The following CBLB variants were observed in gnomAD, a reference collection of about 807,000 sequenced individuals.
The protein encoded by CBLB is Cbl proto-oncogene B, also known as E3 ubiquitin-protein ligase CBL-B.
In CBLB, 31 loss-of-function variants were observed where a neutral mutation model predicts 104.9. The observed-to-expected ratio is 0.30, with a 90% CI of 0.22 to 0.40. The LOEUF is 0.40. CBLB is among the 10% of genes least tolerant of loss of function. The pLI, the probability that CBLB is intolerant of heterozygous loss-of-function variation, is 1.00. For synonymous variants in CBLB, 440 were observed against 422.6 expected, an observed-to-expected ratio of 1.04 and a Z score of -0.51; for missense variants, 1,062 against 1,214.6, an observed-to-expected ratio of 0.87 and a Z score of 1.87.
intron 4 of CBLB, among the ~76,000 whole-genome samples, chr3:105,758,403 T>C (rs549382084): frequency 8.5e-5 from 13 of 152,328 alleles, no homozygotes; most frequent in Non-Finnish European, 1.3e-4. Flanking sequence ...GTCAAAAAGC[T>C]CATAACACTT....
intron 1 of CBLB, 104 bp from the exon 2 acceptor site, chr3:105,867,695 A>G (rs549860630): frequency 1.1e-4 from 101 of 936,580 alleles, no homozygotes; most frequent in Middle Eastern, 2.3e-4. Context: ...TCCTCCATCG[A>G]TTAGAGCAAA....
At chr3:105,747,290 T>C (rs2076201294) in intron 5 of CBLB, among the ~76,000 whole-genome samples, 1 of 152,186 alleles carries the variant, frequency 6.6e-6, no homozygotes, top group Admixed American at 6.5e-5. Flanking sequence ...TACGTTGCCA[T>C]GTTAAAGCTG....
At chr3:105,781,576 T>C (rs1444075516) in intron 3 of CBLB, among the ~76,000 whole-genome samples, 2 of 152,196 alleles carry the variant, frequency 1.3e-5, no homozygotes, top group Non-Finnish European at 2.9e-5. Flanking sequence ...ATAGAAAATA[T>C]ATCAAGATTT....
chr3:105,730,039 T>C (rs1031355366), intron 9 of CBLB, among the ~76,000 whole-genome samples: 3 of 152,064 alleles, frequency 2.0e-5, no homozygotes, highest in African/African-American at 7.2e-5. Flanking sequence ...CCCACTGAGA[T>C]ACAGAGACTG....
chr3:105,719,312 C>T (rs1310297533), intron 10 of CBLB, among the ~76,000 whole-genome samples: 1 of 152,198 alleles, frequency 6.6e-6, no homozygotes, highest in Non-Finnish European at 1.5e-5. Context: ...TTTATACAAA[C>T]ACTCTCATTA....
intron 3 of CBLB, among the ~76,000 whole-genome samples, chr3:105,808,257 T>G (rs9849559): frequency 0.18 from 26,972 of 152,176 alleles, 2,862 homozygotes; most frequent in Admixed American, 0.28. Flanking sequence ...CTACAAACTT[T>G]AAAGAAGAAA....
At chr3:105,778,139 ATGTGTG>A (rs1417079726) in intron 3 of CBLB, among the ~76,000 whole-genome samples, 1 of 151,488 alleles carries the variant, frequency 6.6e-6, no homozygotes, top group African/African-American at 2.4e-5. Flanking sequence ...ATGTGTGTGT[ATGTGTG>A]TGTGTTGGGA....
intron 2 of CBLB, among the ~76,000 whole-genome samples, chr3:105,857,941 AATAC>A (rs1034196837): frequency 1.3e-5 from 2 of 152,208 alleles, no homozygotes; most frequent in Non-Finnish European, 2.9e-5. Flanking sequence ...AGTGTCAGGA[AATAC>A]ATACTTAAAT....
intron 3 of CBLB, among the ~76,000 whole-genome samples, chr3:105,802,552 AC>A: frequency 6.6e-6 from 1 of 152,348 alleles, no homozygotes; most frequent in South Asian, 2.1e-4. Context: ...GGGATTTGTA[AC>A]GGACCCACAG....
intron 10 of CBLB, among the ~76,000 whole-genome samples, chr3:105,704,418 A>G (rs2069749642): frequency 6.6e-6 from 1 of 152,226 alleles, no homozygotes; most frequent in Non-Finnish European, 1.5e-5. Context: ...AAAAAAGAAC[A>G]GCAAAAGTAT....
intron 3 of CBLB, among the ~76,000 whole-genome samples, chr3:105,781,056 GA>G (rs1179453842): frequency 6.6e-6 from 1 of 152,168 alleles, no homozygotes; most frequent in East Asian, 1.9e-4. Context: ...GTTAACATTA[GA>G]GGAGGCTTGA....
chr3:105,816,892 T>TAA (rs56317261), intron 3 of CBLB, among the ~76,000 whole-genome samples: 5 of 148,530 alleles, frequency 3.4e-5, no homozygotes, highest in South Asian at 2.1e-4. Flanking sequence ...AAGTAATGTT[T>TAA]AAAAAAAAAA....
At chr3:105,665,408 A>ATATATAT (rs1553700056) in intron 18 of CBLB, among the ~76,000 whole-genome samples, 205 of 51,298 alleles carry the variant, frequency 4.0e-3, no homozygotes, top group South Asian at 6.9e-3. Flanking sequence ...TAAATAAATA[A>ATATATAT]ATAAATAAAT....
rs142421049 is a variant in CBLB at position 105,796,081 on chromosome 3, G to T, written c.420-19539C>A. 2.2e-4 allele frequency among the ~76,000 whole-genome samples: 34 copies of T among 151,802 alleles called. No homozygotes were observed. The East Asian group carries it at 6.6e-3, about 29-fold the overall frequency. The stretch of plus-strand genomic sequence containing the variant: ...CACAATGACATTCTTCACAGAATTA[G>T]AAAAAAATCTATTTTAAAATTCATA... On this transcript the variant is annotated intron_variant, in intron 3 of 18. Transcript: ENST00000394030.
At position 105,781,787 on chromosome 3, in the gene CBLB, C is replaced by T. The variant is rs551139866; in HGVS notation, c.420-5245G>A. Among the ~76,000 whole-genome samples, 13 of 152,270 alleles carry T rather than the reference C, an allele frequency of 8.5e-5. No individual in the cohort carries two copies. In the East Asian group the frequency reaches 2.5e-3, roughly 29 times the overall value. ...GTGAAAAGTCTGTGAGGATGTGCTG[C>T]TTTTGGTAGAAGAAATGGGAGGTGA... On this transcript the variant is annotated intron_variant, in intron 3 of 18. Transcript: ENST00000394030.
rs550312822 is a variant in CBLB at position 105,669,998 on chromosome 3, C to T, written c.2689+235G>A. On this transcript the variant is annotated intron_variant, in intron 18 of 18. Transcript: ENST00000394030. Reference sequence around the variant, plus strand: ...AATACATTTTGAATCAAAGAAGTGGCTCCACTGAGTGATCAAAGATAATAT... The same window carrying T: ...AATACATTTTGAATCAAAGAAGTGGTTCCACTGAGTGATCAAAGATAATAT... 1.7e-3 allele frequency among the ~76,000 whole-genome samples: 265 copies of T among 152,226 alleles called. 2 individuals carry two copies. The highest frequency in any genetic ancestry group is 6.1e-3 in the African/African-American group (254 of 41,538).
chr3:105,683,367 A>T (rs2066567374), intron 14 of CBLB, among the ~76,000 whole-genome samples: 1 of 152,206 alleles, frequency 6.6e-6, no homozygotes, highest in Non-Finnish European at 1.5e-5. Flanking sequence ...TTAGATAAAG[A>T]ATTCACTCCA....
chr3:105,820,092 C>G (rs1304581902), intron 3 of CBLB, among the ~76,000 whole-genome samples: 1 of 152,178 alleles, frequency 6.6e-6, no homozygotes, highest in Non-Finnish European at 1.5e-5. Flanking sequence ...ATGGTCCCAT[C>G]TGGGGGTGAT....
At chr3:105,819,932 T>C (rs774896650) in intron 3 of CBLB, among the ~76,000 whole-genome samples, 2 of 152,062 alleles carry the variant, frequency 1.3e-5, no homozygotes, top group Non-Finnish European at 2.9e-5. Context: ...ACCAGGGGCA[T>C]GGGGATGGTT....
Sources: allele counts gnomAD v4.1 joint callset (sites outside exome capture counted in the v4.1 genomes callset), GRCh38; gene constraint gnomAD v4.1.1; transcripts MANE v1.5; gene names NCBI Gene and HGNC (gene_info 2026-07-23, HGNC 2026-07-21).